The following SLC35F3 variants were observed in gnomAD, a reference collection of about 807,000 sequenced individuals.
SLC35F3 encodes the protein putative thiamine transporter SLC35F3.
Under a neutral mutation model 49.9 loss-of-function variants are expected in SLC35F3, and 25 were observed. That is an observed-to-expected ratio of 0.50 (90% CI 0.37 to 0.70). The LOEUF (loss-of-function observed/expected upper bound fraction) is 0.70, where lower values mean the gene tolerates loss of function less well. Ranked by LOEUF, SLC35F3 falls within the 30% of genes least tolerant of loss-of-function variation. The probability of loss-of-function intolerance (pLI) is 0.00; values close to 1 mark genes in which losing one functional copy is unlikely to be tolerated. For synonymous variants in SLC35F3, 275 were observed against 265.4 expected (o/e 1.04, Z -0.35); for missense variants, 525 against 639.8 (o/e 0.82, Z 1.94).
intron 2 of SLC35F3, among the ~76,000 whole-genome samples, chr1:233,958,749 T>G (rs544278487): frequency 6.6e-6 from 1 of 152,330 alleles, no homozygotes; most frequent in African/African-American, 2.4e-5. Flanking sequence ...CAAGATTACC[T>G]TGTGATGTTT....
At chr1:234,145,220 C>T (rs1009784160) in intron 2 of SLC35F3, among the ~76,000 whole-genome samples, 6 of 152,144 alleles carry the variant, frequency 3.9e-5, no homozygotes, top group Non-Finnish European at 7.3e-5. Flanking sequence ...TTATAATAGA[C>T]TCTTCTAGTA....
intron 2 of SLC35F3, among the ~76,000 whole-genome samples, chr1:233,921,351 G>A (rs561317314): frequency 4.6e-5 from 7 of 152,110 alleles, no homozygotes; most frequent in East Asian, 3.9e-4. Context: ...CCCACTAGAC[G>A]GGTCCATTTG....
rs1667080525 is a variant in SLC35F3, at chr1:234,214,248, C to T, written c.284-17169C>T. On this transcript the variant is annotated intron_variant, in intron 2 of 7. Transcript: ENST00000366618. The surrounding 1 kb of genome is among the most constrained non-coding windows in gnomAD (Gnocchi z 8.0). ...TTTGCAGCAACCTCCAAGTAGGAGG[C>T]TGTGCGCGCGTGTGTGTGGAGTGGC... 2 of 1,242,868 alleles carry T rather than the reference C, an allele frequency of 1.6e-6. No homozygotes were observed. The highest frequency in any genetic ancestry group is 7.0e-5 in the East Asian group (2 of 28,716). The allele number at this position is 1,242,868 out of a possible 1,614,324, so 77.0% of individuals were successfully genotyped here. A position where few individuals can be genotyped will look rare whatever the true frequency, so the allele number is the denominator to read the frequency against.
chr1:233,926,213 C>T (rs960689066), intron 2 of SLC35F3, among the ~76,000 whole-genome samples: 8 of 152,116 alleles, frequency 5.3e-5, no homozygotes, highest in Non-Finnish European at 1.2e-4. Flanking sequence ...TCCTGGATAA[C>T]ATCCTGAAGA....
chr1:234,103,931 G>A (rs1191053191), intron 2 of SLC35F3, among the ~76,000 whole-genome samples: 3 of 152,216 alleles, frequency 2.0e-5, no homozygotes, highest in African/African-American at 7.2e-5. Flanking sequence ...CATGAGATTA[G>A]CGGCATTCCA....
chr1:234,086,116 G>C (rs992264737), intron 2 of SLC35F3, among the ~76,000 whole-genome samples: 2 of 152,202 alleles, frequency 1.3e-5, no homozygotes, highest in African/African-American at 2.4e-5. Flanking sequence ...AGAAATGAGT[G>C]AATGAATGTA....
At chr1:234,310,823 G>C (rs995293852) in intron 4 of SLC35F3, among the ~76,000 whole-genome samples, 1 of 152,138 alleles carries the variant, frequency 6.6e-6, no homozygotes, top group Non-Finnish European at 1.5e-5. Context: ...AAGAGAAGGA[G>C]GTGTGAAAAA....
chr1:234,228,779 G>C (rs372562635), intron 2 of SLC35F3, among the ~76,000 whole-genome samples: 185 of 152,272 alleles, frequency 1.2e-3, no homozygotes, highest in African/African-American at 4.2e-3. Flanking sequence ...CAAAAGACTA[G>C]GGAAAATGCG....
intron 3 of SLC35F3, among the ~76,000 whole-genome samples, chr1:234,258,998 G>C (rs967190793): frequency 3.9e-5 from 6 of 152,218 alleles, no homozygotes; most frequent in African/African-American, 1.4e-4. Flanking sequence ...TCCAGAGGAA[G>C]GTATATGGGG....
Position 234,285,527 on chromosome 1 carries a change from TCAG to T in SLC35F3, c.609-23570_609-23568del. 6 of 344,538 alleles carry T rather than the reference TCAG, an allele frequency of 1.7e-5. 1 individual carries two copies. The highest frequency in any genetic ancestry group is 1.4e-4 in the South Asian group (6 of 42,556). The allele number at this position is 344,538 out of a possible 1,614,324, so 21.3% of individuals were successfully genotyped here. On this transcript the variant is annotated intron_variant, in intron 3 of 7. Transcript: ENST00000366618. ...TCTATGTCTCTGTAACAGGAACAGT[TCAG>T]CAGGCTGATGAATATGATCTAAGAG...
At chr1:233,941,128 G>T (rs1472124637) in intron 2 of SLC35F3, among the ~76,000 whole-genome samples, 1 of 152,138 alleles carries the variant, frequency 6.6e-6, no homozygotes, top group Non-Finnish European at 1.5e-5. Context: ...ACCGTATATG[G>T]TTATAACTAA....
intron 2 of SLC35F3, among the ~76,000 whole-genome samples, chr1:233,925,434 T>C (rs1274669927): frequency 6.6e-6 from 1 of 152,232 alleles, no homozygotes; most frequent in Non-Finnish European, 1.5e-5. Context: ...AAGTCTGTTT[T>C]ATCAGAGACT....
chr1:234,104,434 T>G (rs1665254132), intron 2 of SLC35F3, among the ~76,000 whole-genome samples: 1 of 152,100 alleles, frequency 6.6e-6, no homozygotes, highest in African/African-American at 2.4e-5. Context: ...GAGACCTGCA[T>G]GATTAAAAGA....
rs547616710 is a variant in SLC35F3, at chr1:234,243,389, C to T, written c.608+11648C>T. ...GTGTTACTGGGGGTATGCTCACCTG[C>T]GTATCCCCAATAACACTTTATTATT... On this transcript the variant is annotated intron_variant, in intron 3 of 7. Coordinates refer to ENST00000366618, the MANE Select transcript of SLC35F3 (RefSeq NM_173508.4). 4.2e-4 allele frequency among the ~76,000 whole-genome samples: 64 copies of T among 152,230 alleles called. 1 individual carries two copies. Among genetic ancestry groups the T allele is most frequent in the African/African-American group, 1.3e-3 (54 of 41,538 alleles).
chr1:234,056,936 G>C (rs1411197916), intron 2 of SLC35F3, among the ~76,000 whole-genome samples: 1 of 152,144 alleles, frequency 6.6e-6, no homozygotes, highest in Non-Finnish European at 1.5e-5. Context: ...TCAATTGTAT[G>C]GTATTGGCAA....
intron 2 of SLC35F3, among the ~76,000 whole-genome samples, chr1:234,093,581 C>A (rs751225956): frequency 4.6e-5 from 7 of 152,234 alleles, no homozygotes; most frequent in Non-Finnish European, 8.8e-5. Flanking sequence ...AACAAACACT[C>A]ACCCCTGCCT....
At chr1:234,138,181 G>T (rs542530393) in intron 2 of SLC35F3, among the ~76,000 whole-genome samples, 1 of 152,270 alleles carries the variant, frequency 6.6e-6, no homozygotes, top group Non-Finnish European at 1.5e-5. Flanking sequence ...ATATAACATT[G>T]CCACTTTTGT....
intron 2 of SLC35F3, among the ~76,000 whole-genome samples, chr1:234,138,332 C>T (rs1665840551): frequency 6.6e-6 from 1 of 152,172 alleles, no homozygotes; most frequent in African/African-American, 2.4e-5. Flanking sequence ...TCAGTTAATA[C>T]TGGGGCTTCT....
chr1:234,049,248 T>C (rs1269665812), intron 2 of SLC35F3, among the ~76,000 whole-genome samples: 3 of 152,062 alleles, frequency 2.0e-5, no homozygotes, highest in African/African-American at 7.2e-5. Context: ...ATGTAAATAA[T>C]TAAGGTTAAA....
Sources: allele counts gnomAD v4.1 joint callset (sites outside exome capture counted in the v4.1 genomes callset), GRCh38; gene constraint gnomAD v4.1.1; non-coding constraint Gnocchi (gnomAD v3.1); transcripts MANE v1.5; gene names NCBI Gene and HGNC (gene_info 2026-07-23, HGNC 2026-07-21).